The following POLR1A variants were observed in gnomAD, a reference collection of about 807,000 sequenced individuals.
The protein encoded by POLR1A is DNA-directed RNA polymerase I subunit RPA1.
Under a neutral mutation model 205.3 loss-of-function variants are expected in POLR1A, and 84 were observed. The observed-to-expected ratio is 0.41, with a 90% CI of 0.34 to 0.49. POLR1A has a LOEUF of 0.49. POLR1A is among the 20% of genes least tolerant of loss of function. The pLI is 0.22. For synonymous variants in POLR1A, 799 were observed against 863.7 expected, an observed-to-expected ratio of 0.93 and a Z score of 1.31; for missense variants, 1,645 against 2,204.5, an observed-to-expected ratio of 0.75 and a Z score of 5.08.
chr2:86,090,386 C>CAAAAAAAAAAA (rs56810530), intron 3 of POLR1A, among the ~76,000 whole-genome samples: 3 of 94,612 alleles, frequency 3.2e-5, no homozygotes, highest in African/African-American at 3.9e-5. Context: ...GACACCATCT[C>CAAAAAAAAAAA]AAAAAAAAAA....
chr2:86,049,328 G>A lies in POLR1A; in HGVS notation c.2393-86C>T. ...AAACTCAGTAAGGCCAGAGCACAGA[G>A]TCCAGTGCCACAGATGCAGGAAATA... is the stretch of plus-strand genomic sequence containing the variant. On this transcript the variant is annotated intron_variant, in intron 16 of 33. Coordinates refer to ENST00000263857, the MANE Select transcript of POLR1A (RefSeq NM_015425.6). 6.8e-6 allele frequency: 6 copies of A among 876,816 alleles called. No homozygotes were observed. In the South Asian group the frequency reaches 8.1e-5, roughly 12 times the overall value. 54.3% of individuals were successfully genotyped at this position (876,816 alleles called of 1,614,324 possible). A position where few individuals can be genotyped will look rare whatever the true frequency, so the allele number is the denominator to read the frequency against.
chr2:86,042,808 A>C (rs569865354), intron 23 of POLR1A, among the ~76,000 whole-genome samples, 166 bp downstream of exon 23: 2 of 152,310 alleles, frequency 1.3e-5, no homozygotes, highest in African/African-American at 4.8e-5. Context: ...CCTTGTTAAG[A>C]GTCCCCACCT....
intron 14 of POLR1A, among the ~76,000 whole-genome samples, chr2:86,060,935 T>C (rs538045209): frequency 4.5e-4 from 69 of 152,278 alleles, no homozygotes; most frequent in African/African-American, 1.6e-3. Flanking sequence ...TACCAAATTA[T>C]AGTTTAAAAA....
chr2:86,063,230 G>A (rs1047818493), intron 14 of POLR1A, among the ~76,000 whole-genome samples: 1 of 149,924 alleles, frequency 6.7e-6, no homozygotes, highest in Non-Finnish European at 1.5e-5. Flanking sequence ...AGCTACTTGG[G>A]AGGCTGAGGC....
Position 86,070,000 on chromosome 2 carries a change from C to G in POLR1A, c.1866+18G>C, listed in dbSNP as rs758946350. The G allele has an allele frequency of 7.5e-6, 12 of 1,607,550 alleles. No individual in the cohort carries two copies. The South Asian group carries it at 1.2e-4, about 16-fold the overall frequency. On this transcript the variant is annotated intron_variant, in intron 13 of 33. Coordinates refer to ENST00000263857, the MANE Select transcript of POLR1A (RefSeq NM_015425.6). ...CATGCTGACGATGACCACGGAACAG[C>G]CTCAAGGCCAGACCTACCTTGGGAA...
chr2:86,078,042 T>C, intron 10 of POLR1A, 61 bp from the exon 11 acceptor site: 1 of 1,612,758 alleles, frequency 6.2e-7, no homozygotes, highest in Non-Finnish European at 8.5e-7. Flanking sequence ...GCTTATTAGT[T>C]TCTTGTTTCA....
chr2:86,088,015 C>T (rs1000154595), intron 6 of POLR1A, among the ~76,000 whole-genome samples: 1 of 152,096 alleles, frequency 6.6e-6, no homozygotes, highest in African/African-American at 2.4e-5. Flanking sequence ...TTAAATAAGC[C>T]TATGACTATA....
chr2:86,051,600 T>C (rs1286198414), intron 16 of POLR1A, among the ~76,000 whole-genome samples: 1 of 152,222 alleles, frequency 6.6e-6, no homozygotes, highest in Non-Finnish European at 1.5e-5. Context: ...GGTGCATGCC[T>C]GACACGCAGC....
intron 24 of POLR1A, 84 bp downstream of exon 24, chr2:86,041,805 G>A (rs1002815016): frequency 2.6e-5 from 31 of 1,198,306 alleles, no homozygotes; most frequent in African/African-American, 7.5e-5. Flanking sequence ...GCCCTCTTCC[G>A]GAGTGAGTAG....
chr2:86,050,182 C>G (rs1672778702), intron 16 of POLR1A, among the ~76,000 whole-genome samples: 1 of 152,142 alleles, frequency 6.6e-6, no homozygotes, highest in South Asian at 2.1e-4. Context: ...TCCCAAAGTG[C>G]TGGGATTGCA....
At chr2:86,071,808 C>A (rs1269719599) in intron 12 of POLR1A, among the ~76,000 whole-genome samples, 1 of 152,268 alleles carries the variant, frequency 6.6e-6, no homozygotes, top group African/African-American at 2.4e-5. Flanking sequence ...AAACACTGAA[C>A]ATAAAGTGAC....
At chr2:86,100,611 G>A (rs1345076054) in intron 1 of POLR1A, among the ~76,000 whole-genome samples, 1 of 150,636 alleles carries the variant, frequency 6.6e-6, no homozygotes, top group Non-Finnish European at 1.5e-5. Flanking sequence ...TCGACTCACT[G>A]CAGCCTCAAA....
chr2:86,102,439 T>C (rs1378021520), intron 1 of POLR1A, among the ~76,000 whole-genome samples: 1 of 152,244 alleles, frequency 6.6e-6, no homozygotes, highest in Non-Finnish European at 1.5e-5. Flanking sequence ...AAAATGTCTG[T>C]TTAAGTCCTT....
chr2:86,029,146 G>A (rs915290972), intron 31 of POLR1A, among the ~76,000 whole-genome samples: 2 of 152,346 alleles, frequency 1.3e-5, no homozygotes, highest in Middle Eastern at 6.8e-3. Flanking sequence ...GCCTTACCAA[G>A]GGGCCAAGGT....
In POLR1A at chr2:86,023,445, A is replaced by C. The variant is rs1426659765; in HGVS notation, c.*3978T>G. ...CTAAAAATTTTAAGATTGGCAAGCA[A>C]CAGACACTCCTTAAGTGGTTCCTAA... On this transcript the variant is annotated 3_prime_UTR_variant, in exon 34 of 34. Transcript: ENST00000263857. 2 of 152,204 alleles carry C rather than the reference A, an allele frequency of 1.3e-5. No homozygotes were observed. Among genetic ancestry groups the C allele is most frequent in the Non-Finnish European group, 2.9e-5 (2 of 68,052 alleles). 9.4% of individuals were successfully genotyped at this position (152,204 alleles called of 1,614,324 possible).
At chr2:86,088,522 T>A in intron 6 of POLR1A, 44 bp downstream of exon 6, 1 of 1,225,034 alleles carries the variant, frequency 8.2e-7, no homozygotes, top group Non-Finnish European at 1.2e-6. Context: ...AGGACACATC[T>A]GCTGGCCTCA....
At chr2:86,072,829 C>T (rs775490763) in intron 12 of POLR1A, among the ~76,000 whole-genome samples, 11 of 152,340 alleles carry the variant, frequency 7.2e-5, no homozygotes, top group African/African-American at 1.4e-4. Context: ...GGTTCCTCCC[C>T]GGACGAGACC....
Position 86,021,906 on chromosome 2 carries a change from G to A in POLR1A, c.*5517C>T, listed in dbSNP as rs1347431095. ...TGTGAATAAACCAGGTCCTATCAGG[G>A]GGCAGTGTGCACATGCACATGAAGC... On this transcript the variant is annotated 3_prime_UTR_variant, in exon 34 of 34. Coordinates refer to ENST00000263857, the MANE Select transcript of POLR1A (RefSeq NM_015425.6). 1 of 151,990 alleles carries A rather than the reference G, an allele frequency of 6.6e-6. No individual in the cohort carries two copies. Among genetic ancestry groups the A allele is most frequent in the East Asian group, 1.9e-4 (1 of 5,186 alleles). The allele number at this position is 151,990 out of a possible 1,614,324, so 9.4% of individuals were successfully genotyped here. A position where few individuals can be genotyped will look rare whatever the true frequency, so the allele number is the denominator to read the frequency against.
At chr2:86,071,986 C>A (rs1202570339) in intron 12 of POLR1A, among the ~76,000 whole-genome samples, 2 of 152,154 alleles carry the variant, frequency 1.3e-5, no homozygotes, top group African/African-American at 2.4e-5. Flanking sequence ...TATTGGAAGT[C>A]TAGTTTCTTC....
Sources: allele counts gnomAD v4.1 joint callset (sites outside exome capture counted in the v4.1 genomes callset), GRCh38; gene constraint gnomAD v4.1.1; transcripts MANE v1.5; gene names NCBI Gene and HGNC (gene_info 2026-07-23, HGNC 2026-07-21).